The following CHD9NB variants were observed in gnomAD, a reference collection of about 807,000 sequenced individuals.
The protein encoded by CHD9NB is CHD9 neighbor protein.
chr16:53,043,225 T>C, the CHD9NB span: 48 of 152,222 alleles, frequency 3.2e-4, no homozygotes, highest in African/African-American at 1.2e-3. Flanking sequence ...TTTTGAAAGC[T>C]GGATGCAGAT....
At chr16:53,049,460 G>A in the CHD9NB span, among the ~76,000 whole-genome samples, 1 of 152,124 alleles carries the variant, frequency 6.6e-6, no homozygotes, top group South Asian at 2.1e-4. Flanking sequence ...ACAGACATGA[G>A]CCACCGCACC....
the CHD9NB span, chr16:53,042,822 A>G: frequency 6.6e-6 from 1 of 152,228 alleles, no homozygotes; most frequent in Admixed American, 6.5e-5. Flanking sequence ...TCCCAAGCCA[A>G]ACTGCTGGGG....
the CHD9NB span, among the ~76,000 whole-genome samples, chr16:53,051,048 C>T: frequency 6.6e-6 from 1 of 152,080 alleles, no homozygotes; most frequent in East Asian, 1.9e-4. Flanking sequence ...CCACCATGCC[C>T]AGCTAATTTT....
chr16:53,044,328 C>G, the CHD9NB span: 13 of 395,172 alleles, frequency 3.3e-5, no homozygotes, highest in East Asian at 4.3e-4. Flanking sequence ...CATAAGGAGC[C>G]CCCTGTGGGG....
the CHD9NB span, among the ~76,000 whole-genome samples, chr16:53,040,785 G>A: frequency 1.3e-5 from 2 of 152,184 alleles, no homozygotes; most frequent in Non-Finnish European, 2.9e-5. Context: ...AGCAAAAAAT[G>A]TATTGCCTCA....
At chr16:53,050,602 G>A in the CHD9NB span, among the ~76,000 whole-genome samples, 1 of 152,198 alleles carries the variant, frequency 6.6e-6, no homozygotes, top group Non-Finnish European at 1.5e-5. Context: ...CATAACACCT[G>A]ACAGGGTTTG....
the CHD9NB span, among the ~76,000 whole-genome samples, chr16:53,037,568 A>G: frequency 1.3e-5 from 2 of 152,234 alleles, no homozygotes; most frequent in Admixed American, 1.3e-4. Context: ...ATAAATGGGC[A>G]ATCTGCCTTC....
the CHD9NB span, among the ~76,000 whole-genome samples, chr16:53,041,912 C>A: frequency 6.6e-6 from 1 of 152,332 alleles, no homozygotes; most frequent in African/African-American, 2.4e-5. Flanking sequence ...AAGCTTAGCA[C>A]CCCTGGGACA....
At chr16:53,051,795 AT>A in the CHD9NB span, among the ~76,000 whole-genome samples, 7 of 86,920 alleles carry the variant, frequency 8.1e-5, no homozygotes, top group Non-Finnish European at 1.2e-4. Flanking sequence ...ATATATATAT[AT>A]ATATATATAT....
chr16:53,047,276 T>C, the CHD9NB span: 1 of 152,190 alleles, frequency 6.6e-6, no homozygotes, highest in African/African-American at 2.4e-5. Context: ...CATGATATGG[T>C]GCAGCCCCTA....
the CHD9NB span, among the ~76,000 whole-genome samples, chr16:53,051,331 G>A: frequency 6.6e-6 from 1 of 151,968 alleles, no homozygotes; most frequent in Non-Finnish European, 1.5e-5. Flanking sequence ...TGAAGAAAAG[G>A]GTGAACAGAA....
the CHD9NB span, among the ~76,000 whole-genome samples, chr16:53,048,425 A>G: frequency 2.6e-5 from 4 of 152,212 alleles, no homozygotes; most frequent in Non-Finnish European, 5.9e-5. Context: ...AAAACAAAAA[A>G]GGAAAGAAAA....
At chr16:53,044,263 A>C in the CHD9NB span, 1 of 397,446 alleles carries the variant, frequency 2.5e-6, no homozygotes, top group Non-Finnish European at 4.4e-6. Context: ...CTCTTGCAGC[A>C]CTGTTGAAAA....
the CHD9NB span, chr16:53,043,377 C>G: frequency 2.0e-5 from 3 of 152,158 alleles, no homozygotes; most frequent in Non-Finnish European, 4.4e-5. Flanking sequence ...CTCCATGCCC[C>G]CCTTACTGGA....
At chr16:53,044,312 G>A in the CHD9NB span, 122,121 of 395,872 alleles carry the variant, frequency 0.31, 20,050 homozygotes, top group African/African-American at 0.49. Context: ...GAGACGCCCC[G>A]CTGTGCATAA....
the CHD9NB span, among the ~76,000 whole-genome samples, chr16:53,040,168 C>G: frequency 6.6e-6 from 1 of 152,226 alleles, no homozygotes; most frequent in South Asian, 2.1e-4. Flanking sequence ...CTCCCAGATT[C>G]AAGCGATTCT....
At chr16:53,047,534 C>T in the CHD9NB span, among the ~76,000 whole-genome samples, 1 of 152,168 alleles carries the variant, frequency 6.6e-6, no homozygotes, top group Non-Finnish European at 1.5e-5. Context: ...ATGGCCTTTT[C>T]TCAGTGCTTT....
chr16:53,036,988 T>C, the CHD9NB span, among the ~76,000 whole-genome samples: 1 of 152,250 alleles, frequency 6.6e-6, no homozygotes, highest in Admixed American at 6.5e-5. Context: ...CAGGCTGGAA[T>C]GCAGTGGCAC....
the CHD9NB span, among the ~76,000 whole-genome samples, chr16:53,044,863 A>G: frequency 1.3e-5 from 2 of 152,344 alleles, no homozygotes; most frequent in East Asian, 3.9e-4. Context: ...AGTTTCTAAC[A>G]GCCAGCAAAT....
Sources: gnomAD v4.1 joint callset for allele counts (sites outside exome capture counted in the v4.1 genomes callset) on GRCh38, gnomAD v4.1.1 for gene constraint, MANE v1.5 for transcripts, NCBI Gene and HGNC (gene_info 2026-07-23, HGNC 2026-07-21) for gene names.